Variants in XDH observed in about 807,000 individuals in gnomAD.
XDH encodes the protein xanthine dehydrogenase.
A neutral mutation model predicts 156.1 loss-of-function variants in XDH; 138 were observed. The ratio of observed to expected loss-of-function variants is 0.88; its 90% CI spans 0.77 to 1.02. The LOEUF (loss-of-function observed/expected upper bound fraction) is 1.02, where lower values mean the gene tolerates loss of function less well. Among genes scored for constraint, XDH ranks in the 50% least tolerant of loss-of-function variants. The pLI, the probability that XDH is intolerant of heterozygous loss-of-function variation, is 0.00. For missense variants in XDH, 1,849 were observed against 1,684.9 expected (o/e 1.10, Z -1.71); for synonymous variants, 669 against 625.7 (o/e 1.07, Z -1.03).
At chr2:31,341,457 T>G in intron 32 of XDH, 63 bp from the exon 33 acceptor site, 1 of 1,488,452 alleles carries the variant, frequency 6.7e-7, no homozygotes, top group Non-Finnish European at 9.2e-7. Flanking sequence ...ATATGACAGA[T>G]GACTCATAGT....
chr2:31,381,989 T>C (rs1279696213), intron 11 of XDH, among the ~76,000 whole-genome samples: 1 of 152,226 alleles, frequency 6.6e-6, no homozygotes, highest in Non-Finnish European at 1.5e-5. Context: ...GTTTGATTGA[T>C]GATTTCACCC....
intron 14 of XDH, among the ~76,000 whole-genome samples, 153 bp downstream of exon 14, chr2:31,376,900 A>AAGTGGTAGCAGT (rs1242681558): frequency 1.3e-5 from 2 of 150,768 alleles, no homozygotes; most frequent in Non-Finnish European, 2.9e-5. Context: ...GTAGAAGTAG[A>AAGTGGTAGCAGT]AGTGGTAGCA....
intron 3 of XDH, among the ~76,000 whole-genome samples, 158 bp downstream of exon 3, chr2:31,402,890 G>T (rs1572569234): frequency 6.6e-6 from 1 of 152,214 alleles, no homozygotes; most frequent in Non-Finnish European, 1.5e-5. Flanking sequence ...TACTTGCTAA[G>T]AGATCATTCT....
chr2:31,363,049 C>T (rs561354374), intron 24 of XDH, among the ~76,000 whole-genome samples: 8 of 152,296 alleles, frequency 5.3e-5, no homozygotes, highest in South Asian at 4.1e-4. Context: ...CAGTGGTTCA[C>T]GCCTGTAATC....
chr2:31,401,524 T>C (rs1047336020), intron 3 of XDH, among the ~76,000 whole-genome samples, 196 bp from the exon 4 acceptor site: 1 of 152,172 alleles, frequency 6.6e-6, no homozygotes. Context: ...GCTCTCCTTA[T>C]AGGTAAAGCT....
chr2:31,365,684 T>A (rs1016778807), intron 22 of XDH, 140 bp from the exon 23 acceptor site: 15 of 1,084,818 alleles, frequency 1.4e-5, no homozygotes, highest in Admixed American at 1.9e-5. Context: ...CTTTGCCATC[T>A]AGGCACTGTG....
intron 14 of XDH, among the ~76,000 whole-genome samples, chr2:31,376,514 A>G (rs1040226652): frequency 1.6e-4 from 24 of 149,426 alleles, no homozygotes; most frequent in African/African-American, 5.4e-4. Flanking sequence ...GTTATTAGTA[A>G]AATACTAGTA....
intron 13 of XDH, among the ~76,000 whole-genome samples, chr2:31,379,324 C>T (rs1290347847): frequency 2.0e-5 from 3 of 152,208 alleles, no homozygotes; most frequent in Non-Finnish European, 4.4e-5. Flanking sequence ...CCTCGTCAAG[C>T]CTAAGGTCAG....
At chr2:31,397,023 A>G (rs902721516) in intron 6 of XDH, among the ~76,000 whole-genome samples, 1 of 152,208 alleles carries the variant, frequency 6.6e-6, no homozygotes, top group Non-Finnish European at 1.5e-5. Context: ...ACGTGGCCCA[A>G]TTGAGAAGTC....
chr2:31,374,005 G>T, intron 15 of XDH, 49 bp from the exon 16 acceptor site: 1 of 1,562,898 alleles, frequency 6.4e-7, no homozygotes, highest in South Asian at 1.1e-5. Flanking sequence ...TTCAATCACT[G>T]ATTCCTTCCT....
In XDH at chr2:31,398,673, G is replaced by A. The variant is rs768831423; in HGVS notation, c.333C>T (p.Ser111=). 6.2e-7 allele frequency: 1 copy of A among 1,614,120 alleles called. No individual in the cohort carries two copies. Among genetic ancestry groups the A allele is most frequent in the South Asian group, 1.1e-5 (1 of 91,082 alleles). Reference sequence around the variant, plus strand: ...TGCCAGGGGTGCAGAACCCGCACTGGGAGCCGTGGCTTTTGGCAATTCTCT... The same window carrying A: ...TGCCAGGGGTGCAGAACCCGCACTGAGAGCCGTGGCTTTTGGCAATTCTCT... The part of the protein sequence containing the change: ...VQERIAKSHG[S]QCGFCTPGIV... The change falls in exon 5 of 36, where the codon TCC becomes TCT. Residue 111 remains serine (S), a synonymous_variant. Transcript: ENST00000379416.
intron 11 of XDH, 65 bp downstream of exon 11, chr2:31,382,936 G>T: frequency 6.2e-7 from 1 of 1,610,182 alleles, no homozygotes; most frequent in Non-Finnish European, 8.5e-7. Flanking sequence ...GTGAGAGTCT[G>T]GCTGCCCTGC....
At chr2:31,375,271 A>G in intron 15 of XDH, 109 bp downstream of exon 15, 1 of 1,391,684 alleles carries the variant, frequency 7.2e-7, no homozygotes, top group Non-Finnish European at 1.0e-6. Flanking sequence ...GGTCCCTGCT[A>G]TTCTGCCCTC....
intron 1 of XDH, among the ~76,000 whole-genome samples, chr2:31,412,740 T>G (rs1262421927): frequency 2.6e-5 from 4 of 152,210 alleles, no homozygotes; most frequent in African/African-American, 9.7e-5. Context: ...GAGGACAACT[T>G]TCTCACAGCT....
At chr2:31,344,857 CCCATTT>C (rs1685238292) in intron 30 of XDH, 121 bp from the exon 31 acceptor site, 1 of 1,007,496 alleles carries the variant, frequency 9.9e-7, no homozygotes, top group Non-Finnish European at 1.5e-6. Flanking sequence ...ACTAGTGACT[CCCATTT>C]CCATACCTTA....
chr2:31,399,167 A>T (rs1686990466), intron 4 of XDH, among the ~76,000 whole-genome samples: 1 of 152,220 alleles, frequency 6.6e-6, no homozygotes, highest in African/African-American at 2.4e-5. Context: ...ATTGACTCAG[A>T]TGGGAGAAGA....
chr2:31,369,927 T>C (rs1262639558), intron 18 of XDH, among the ~76,000 whole-genome samples: 1 of 152,248 alleles, frequency 6.6e-6, no homozygotes, highest in African/African-American at 2.4e-5. Flanking sequence ...AAATTTTGTT[T>C]GTTGTTGAAG....
chr2:31,389,439 C>T (rs986362404), intron 6 of XDH, among the ~76,000 whole-genome samples: 1 of 152,172 alleles, frequency 6.6e-6, no homozygotes, highest in African/African-American at 2.4e-5. Flanking sequence ...GAGCCTCCCC[C>T]CAGCCAGCCA....
intron 16 of XDH, 40 bp downstream of exon 16, chr2:31,373,833 C>T: frequency 6.2e-7 from 1 of 1,608,662 alleles, no homozygotes; most frequent in Non-Finnish European, 8.5e-7. Flanking sequence ...ATGTGGCCTG[C>T]AAAGTCCCCT....
Sources: gnomAD v4.1 joint callset for allele counts (sites outside exome capture counted in the v4.1 genomes callset) on GRCh38, gnomAD v4.1.1 for gene constraint, MANE v1.5 for transcripts, NCBI Gene and HGNC (gene_info 2026-07-23, HGNC 2026-07-21) for gene names.